Variants in ALK observed in about 807,000 individuals in gnomAD.
ALK encodes ALK tyrosine kinase receptor.
In ALK, 74 loss-of-function variants were observed where a neutral mutation model predicts 163.1. That is an observed-to-expected ratio of 0.45 (90% CI 0.38 to 0.55). The LOEUF is 0.55. Ranked by LOEUF, ALK falls within the 20% of genes least tolerant of loss-of-function variation. ALK has a pLI of 0.00. For synonymous variants in ALK, 960 were observed against 843.2 expected (o/e 1.14, Z -2.40); for missense variants, 2,063 against 2,105.3 (o/e 0.98, Z 0.39).
chr2:29,705,882 A>C (rs1158189884), intron 2 of ALK, among the ~76,000 whole-genome samples: 3 of 152,216 alleles, frequency 2.0e-5, no homozygotes, highest in African/African-American at 7.2e-5. Context: ...GGCAGAGAGC[A>C]CATAAGAGGG....
chr2:29,764,549 T>C (rs993285754), intron 1 of ALK, among the ~76,000 whole-genome samples: 12 of 152,164 alleles, frequency 7.9e-5, no homozygotes, highest in Non-Finnish European at 1.5e-4. Context: ...GAGCACACAC[T>C]TGGGGCCAGG....
chr2:29,335,571 G>A (rs1459076452), intron 5 of ALK, among the ~76,000 whole-genome samples: 1 of 152,158 alleles, frequency 6.6e-6, no homozygotes, highest in East Asian at 1.9e-4. Flanking sequence ...ACAGATAGGG[G>A]CCCAAGACCT....
chr2:29,830,686 CA>C (rs1665343455), intron 1 of ALK, among the ~76,000 whole-genome samples: 1 of 110,712 alleles, frequency 9.0e-6, no homozygotes, highest in Admixed American at 1.1e-4. Flanking sequence ...CTGGAAAACA[CA>C]GCAAGACCCT....
At chr2:29,717,952 A>G (rs969922738) in intron 1 of ALK, among the ~76,000 whole-genome samples, 2 of 152,194 alleles carry the variant, frequency 1.3e-5, no homozygotes, top group African/African-American at 4.8e-5. Flanking sequence ...CTGGGAGATG[A>G]ACTAGAAGCC....
intron 3 of ALK, among the ~76,000 whole-genome samples, chr2:29,646,227 C>A (rs1676870728): frequency 1.3e-5 from 2 of 152,164 alleles, no homozygotes; most frequent in Non-Finnish European, 2.9e-5. Context: ...CAGGCCAAAA[C>A]CATTGAAGTC....
intron 4 of ALK, among the ~76,000 whole-genome samples, chr2:29,449,057 A>T (rs11685265): frequency 0.1 from 15,689 of 152,228 alleles, 1,121 homozygotes; most frequent in Non-Finnish European, 0.16. Flanking sequence ...AAGGCCATAA[A>T]CAATCTTTCT....
intron 3 of ALK, among the ~76,000 whole-genome samples, chr2:29,634,129 C>T (rs1055194446): frequency 2.6e-4 from 31 of 119,836 alleles, no homozygotes; most frequent in Non-Finnish European, 4.3e-4. Flanking sequence ...TTTTTTTTTT[C>T]GCTCTGTCAC....
At chr2:29,497,588 A>C (rs1424343803) in intron 4 of ALK, among the ~76,000 whole-genome samples, 1 of 152,182 alleles carries the variant, frequency 6.6e-6, no homozygotes, top group Non-Finnish European at 1.5e-5. Context: ...GCTAATCAGC[A>C]CTCAATGGTA....
chr2:29,595,991 T>C (rs1205102095), intron 3 of ALK, among the ~76,000 whole-genome samples: 2 of 152,148 alleles, frequency 1.3e-5, no homozygotes, highest in African/African-American at 4.8e-5. Flanking sequence ...GCTGGGGCCA[T>C]GTTTAAGAAG....
chr2:29,776,002 A>C (rs567598459), intron 1 of ALK, among the ~76,000 whole-genome samples: 1 of 152,324 alleles, frequency 6.6e-6, no homozygotes, highest in South Asian at 2.1e-4. Context: ...TGATGGAGAG[A>C]GACTTTTCTG....
intron 4 of ALK, among the ~76,000 whole-genome samples, chr2:29,429,025 C>G (rs1286768245): frequency 6.6e-6 from 1 of 151,950 alleles, no homozygotes; most frequent in African/African-American, 2.4e-5. Context: ...TCAACAGACG[C>G]AGAAAGAAGA....
At chr2:29,602,692 AG>A (rs1162441888) in intron 3 of ALK, among the ~76,000 whole-genome samples, 1 of 152,246 alleles carries the variant, frequency 6.6e-6, no homozygotes, top group Non-Finnish European at 1.5e-5. Context: ...CAGGTTAAAG[AG>A]TCCTGAACCT....
chr2:29,807,367 G>A (rs934799607), intron 1 of ALK, among the ~76,000 whole-genome samples: 1 of 152,212 alleles, frequency 6.6e-6, no homozygotes, highest in African/African-American at 2.4e-5. Context: ...TTTTGCATCT[G>A]TCTGAAAACA....
At chr2:29,215,710 T>C (rs1192611515) in intron 23 of ALK, among the ~76,000 whole-genome samples, 1 of 133,710 alleles carries the variant, frequency 7.5e-6, no homozygotes, top group African/African-American at 2.7e-5. Flanking sequence ...AGCGTATGTA[T>C]GTGACTACAG....
chr2:29,533,238 T>A (rs1411662395), intron 3 of ALK, among the ~76,000 whole-genome samples: 1 of 152,094 alleles, frequency 6.6e-6, no homozygotes, highest in African/African-American at 2.4e-5. Context: ...ATAAGAAAAG[T>A]GATCTACAAC....
chr2:29,701,124 T>C (rs73921164), intron 2 of ALK, among the ~76,000 whole-genome samples: 4,366 of 152,304 alleles, frequency 0.029, 227 homozygotes, highest in African/African-American at 0.1. Flanking sequence ...TTTTGGACAC[T>C]TGGGTCTCCT....
At chr2:29,491,051 C>A (rs879808481) in intron 4 of ALK, among the ~76,000 whole-genome samples, 2 of 152,220 alleles carry the variant, frequency 1.3e-5, no homozygotes, top group Non-Finnish European at 2.9e-5. Flanking sequence ...ATAGGCCCCT[C>A]AATTCTTTCC....
At chr2:29,397,231 T>C (rs1025770139) in intron 4 of ALK, among the ~76,000 whole-genome samples, 7 of 152,174 alleles carry the variant, frequency 4.6e-5, no homozygotes, top group Non-Finnish European at 1.0e-4. Flanking sequence ...ACTATATTCT[T>C]ATAAAACAGA....
chr2:29,843,579 A>C (rs568784906), intron 1 of ALK, among the ~76,000 whole-genome samples: 281 of 152,290 alleles, frequency 1.8e-3, no homozygotes, highest in Non-Finnish European at 3.0e-3. Context: ...AGTGATGTCC[A>C]AGTTCTGCCT....
Sources: allele counts gnomAD v4.1 joint callset (sites outside exome capture counted in the v4.1 genomes callset), GRCh38; gene constraint gnomAD v4.1.1; transcripts MANE v1.5; gene names NCBI Gene and HGNC (gene_info 2026-07-23, HGNC 2026-07-21).